Variants in HMGCL observed in about 807,000 individuals in gnomAD.
HMGCL encodes 3-hydroxy-3-methylglutaryl-CoA lyase.
HMGCL carries 26 observed loss-of-function variants against 37.3 expected under a neutral mutation model. That is an observed-to-expected ratio of 0.70 (90% confidence interval 0.51 to 0.97). HMGCL has a LOEUF of 0.97. Among genes scored for constraint, HMGCL ranks in the 50% least tolerant of loss-of-function variants. The pLI is 0.00. For synonymous variants in HMGCL, 151 were observed against 148.0 expected, an observed-to-expected ratio of 1.02 and a Z score of -0.15; for missense variants, 379 against 398.1, an observed-to-expected ratio of 0.95 and a Z score of 0.41.
intron 4 of HMGCL, among the ~76,000 whole-genome samples, chr1:23,815,686 G>A (rs113927748): frequency 0.019 from 2,954 of 151,580 alleles, 47 homozygotes; most frequent in Middle Eastern, 0.044. Context: ...TAGTAGAGAC[G>A]GGGTTTCATC....
At chr1:23,816,979 TC>T (rs769507062) in intron 3 of HMGCL, among the ~76,000 whole-genome samples, 7 of 152,152 alleles carry the variant, frequency 4.6e-5, no homozygotes, top group Non-Finnish European at 1.0e-4. Flanking sequence ...TCCCAATTTC[TC>T]CATATGGCCC....
At chr1:23,810,441 C>G in intron 6 of HMGCL, 2 of 415,206 alleles carry the variant, frequency 4.8e-6, no homozygotes, top group South Asian at 4.2e-5. Flanking sequence ...ATGGGAACTC[C>G]TGGGTAAGGA....
In HMGCL at chr1:23,806,603, A is replaced by C; in HGVS notation, c.750+1532T>G. 4.4e-6 allele frequency: 1 copy of C among 225,736 alleles called. No individual in the cohort carries two copies. Among genetic ancestry groups the C allele is most frequent in the Non-Finnish European group, 9.0e-6 (1 of 111,130 alleles). 14.0% of individuals were successfully genotyped at this position (225,736 alleles called of 1,614,324 possible). A position where few individuals can be genotyped will look rare whatever the true frequency, so the allele number is the denominator to read the frequency against. ...GCTACCTTCTGAGTGAGGCCACTCT[A>C]CAGAAAGGCCTGGCACTGCCTTAAC... On this transcript the variant is annotated intron_variant, in intron 7 of 8. Coordinates refer to ENST00000374490, the MANE Select transcript of HMGCL (RefSeq NM_000191.3). The surrounding 1 kb of genome is among the most constrained non-coding windows in gnomAD (Gnocchi z 4.0).
chr1:23,814,193 C>T lies in HMGCL; in HGVS notation c.494G>A (p.Arg165Gln), dbSNP rs199587895. Residue 165 changes from arginine to glutamine, a missense_variant, in exon 5 of 9, where the codon CGG (arginine) becomes CAG (glutamine). Physicochemically the swap from Arg to Gln is conservative, Grantham distance 43. Transcript: ENST00000374490. ...KAAQSANISV[R>Q]GYVSCALGCP... ...ATACCAATGTGCTCTGACTCACCCCCGCACAGAAATATTGGCTGACTGCGC... is the reference window on the plus strand; with the variant it reads ...ATACCAATGTGCTCTGACTCACCCCTGCACAGAAATATTGGCTGACTGCGC... 3.7e-6 allele frequency: 6 copies of T among 1,613,672 alleles called. No individual in the cohort carries two copies. In the African/African-American group the frequency reaches 6.7e-5, roughly 18 times the overall value.
chr1:23,817,404 T>C (rs1638630450), intron 3 of HMGCL, 72 bp downstream of exon 3: 2 of 876,302 alleles, frequency 2.3e-6, no homozygotes, highest in Non-Finnish European at 3.9e-6. Context: ...TCTCAACTTC[T>C]ACTTGCTTCA....
chr1:23,818,892 G>A (rs1370879834), intron 2 of HMGCL, among the ~76,000 whole-genome samples: 3 of 151,690 alleles, frequency 2.0e-5, no homozygotes, highest in Non-Finnish European at 4.4e-5. Context: ...CATTGTGCTA[G>A]GTGCCGGGGA....
rs1007328285 is a variant in HMGCL at position 23,806,997 on chromosome 1, T to C, written c.750+1138A>G. The C allele has an allele frequency of 5.8e-6, 3 of 518,560 alleles. No homozygotes were observed. Among genetic ancestry groups the C allele is most frequent in the Non-Finnish European group, 1.2e-5 (3 of 259,844 alleles). The allele number at this position is 518,560 out of a possible 1,614,324, so 32.1% of individuals were successfully genotyped here. On this transcript the variant is annotated intron_variant, in intron 7 of 8. Transcript: ENST00000374490. This position sits in a 1 kb window ranked among gnomAD's most constrained non-coding sequence, Gnocchi z 4.0. ...CGAAGTAACTGATGGAAGAGGGAGG[T>C]CAGAGGAAGCTACTGCCAGACGTCA...
intron 4 of HMGCL, 118 bp downstream of exon 4, chr1:23,816,557 G>T: frequency 1.3e-6 from 1 of 784,742 alleles, no homozygotes; most frequent in South Asian, 1.3e-5. Context: ...GGGTCTGGCT[G>T]ACAGACAAGC....
At chr1:23,809,724 G>T (rs888691922) in intron 6 of HMGCL, 1 of 152,166 alleles carries the variant, frequency 6.6e-6, no homozygotes, top group African/African-American at 2.4e-5. Flanking sequence ...AAAAAAAGAT[G>T]GCCTCACCCA....
chr1:23,810,842 T>G, intron 5 of HMGCL, 43 bp from the exon 6 acceptor site: 2 of 1,551,936 alleles, frequency 1.3e-6, no homozygotes, highest in Non-Finnish European at 8.9e-7. Flanking sequence ...GTCCTGAGCT[T>G]TTTGGCTAGC....
intron 1 of HMGCL, among the ~76,000 whole-genome samples, chr1:23,822,228 T>A (rs192428443): frequency 1.3e-5 from 2 of 152,084 alleles, no homozygotes; most frequent in Non-Finnish European, 2.9e-5. Context: ...TTTCGGGGTA[T>A]GGGCGAGATG....
intron 2 of HMGCL, among the ~76,000 whole-genome samples, chr1:23,819,894 G>A (rs1283316375): frequency 1.3e-5 from 2 of 152,062 alleles, no homozygotes; most frequent in Non-Finnish European, 2.9e-5. Context: ...AACTGCTTGA[G>A]TCACTTTATA....
chr1:23,804,290 T>G (rs1342566121), intron 8 of HMGCL, 110 bp downstream of exon 8: 1 of 1,360,140 alleles, frequency 7.4e-7, no homozygotes, highest in Non-Finnish European at 1.0e-6. Flanking sequence ...CTTTCCCTCT[T>G]TACTCCTCAG....
At position 23,802,151 on chromosome 1, in the gene HMGCL, C is replaced by G. The variant is rs984298091; in HGVS notation, c.*312G>C. ...GCGGATTCCATCCAGAGAGGAGACT[C>G]AAGGATCATGCTAAGTAGGGAACGG... On this transcript the variant is annotated 3_prime_UTR_variant, in exon 9 of 9. Coordinates refer to ENST00000374490, the MANE Select transcript of HMGCL (RefSeq NM_000191.3). 1.7e-6 allele frequency: 1 copy of G among 582,308 alleles called. No individual in the cohort carries two copies. The highest frequency in any genetic ancestry group is 1.9e-5 in the African/African-American group (1 of 53,826). The allele number at this position is 582,308 out of a possible 1,614,324, so 36.1% of individuals were successfully genotyped here.
chr1:23,809,032 A>C (rs1410584344), intron 6 of HMGCL, among the ~76,000 whole-genome samples: 1 of 149,436 alleles, frequency 6.7e-6, no homozygotes, highest in African/African-American at 2.5e-5. Flanking sequence ...CAGTCTCCCA[A>C]GTAGCTGGGA....
chr1:23,804,462 C>T lies in HMGCL; in HGVS notation c.814G>A (p.Ala272Thr). The part of the protein sequence containing the change: ...GLGGCPYAQG[A>T]SGNLATEDLV... ...TCTTCTGTGGCCAAGTTTCCTGATG[C>T]CCCCTGTGCGTAGGGACAGCCTCCA... Residue 272 changes from alanine to threonine, a missense_variant, in exon 8 of 9, where the codon GCA becomes ACA. Physicochemically the swap from Ala to Thr is moderately conservative, Grantham distance 58 (BLOSUM62 0). Coordinates refer to ENST00000374490, the MANE Select transcript of HMGCL (RefSeq NM_000191.3). 1 of 1,614,012 alleles carries T rather than the reference C, an allele frequency of 6.2e-7. No individual in the cohort carries two copies. The highest frequency in any genetic ancestry group is 8.5e-7 in the Non-Finnish European group (1 of 1,179,868).
At chr1:23,802,606 C>T (rs753800844) in intron 8 of HMGCL, 42 bp from the exon 9 acceptor site, 2 of 1,216,244 alleles carry the variant, frequency 1.6e-6, no homozygotes, top group Admixed American at 3.4e-5. Context: ...TCATGGTATG[C>T]CCTCAACACC....
intron 5 of HMGCL, among the ~76,000 whole-genome samples, chr1:23,811,376 T>C (rs1187822259): frequency 6.6e-6 from 1 of 152,208 alleles, no homozygotes; most frequent in Non-Finnish European, 1.5e-5. Flanking sequence ...ACTGATAAGG[T>C]TCCTGCCCTC....
intron 5 of HMGCL, chr1:23,813,917 A>G: frequency 2.1e-6 from 1 of 482,396 alleles, no homozygotes; most frequent in Non-Finnish European, 3.8e-6. Context: ...TCCTGGTCTC[A>G]AGCCATCCTC....
Sources: gnomAD v4.1 joint callset for allele counts (sites outside exome capture counted in the v4.1 genomes callset) on GRCh38, gnomAD v4.1.1 for gene constraint, Gnocchi (gnomAD v3.1) non-coding constraint, MANE v1.5 for transcripts, NCBI Gene and HGNC (gene_info 2026-07-23, HGNC 2026-07-21) for gene names.